The following EPRS1 variants were observed in gnomAD, a reference collection of about 807,000 sequenced individuals.
EPRS1 encodes the protein bifunctional glutamate/proline--tRNA ligase.
In EPRS1, 107 loss-of-function variants were observed where a neutral mutation model predicts 188.3. The ratio of observed to expected loss-of-function variants is 0.57; its 90% CI spans 0.49 to 0.67. EPRS1 has a LOEUF of 0.67. Ranked by LOEUF, EPRS1 falls within the 30% of genes least tolerant of loss-of-function variation. EPRS1 has a pLI of 0.00. For synonymous variants in EPRS1, 596 were observed against 593.1 expected (o/e 1.00, Z -0.07); for missense variants, 1,577 against 1,802.2 (o/e 0.88, Z 2.26).
chr1:220,033,407 A>T (rs1662121227), intron 4 of EPRS1, 95 bp downstream of exon 4: 2 of 853,394 alleles, frequency 2.3e-6, no homozygotes. Flanking sequence ...ATACACACAC[A>T]TATACATACA....
chr1:220,011,019 A>G lies in EPRS1; in HGVS notation c.1532T>C (p.Leu511Pro). The change falls in exon 13 of 32, where the codon CTG becomes CCG. Residue 511 changes from leucine to proline, a missense_variant. Leu to Pro is a moderately conservative substitution (Grantham distance 98). This residue lies in a region of EPRS1 where 1,278 missense variants were observed against 1,457.4 expected (regional missense o/e 0.88). Transcript: ENST00000366923. ...DPVAPRYVAL[L>P]KKEVIPVNVP... Reference sequence around the variant, plus strand: ...ATTCACTGGGATCACTTCTTTCTTCAGTAATGCAACATATCGTGGAGCCAC... The same window carrying G: ...ATTCACTGGGATCACTTCTTTCTTCGGTAATGCAACATATCGTGGAGCCAC... 7 of 1,613,514 alleles carry G rather than the reference A, an allele frequency of 4.3e-6. No homozygotes were observed. Among genetic ancestry groups the G allele is most frequent in the South Asian group, 1.1e-5 (1 of 91,074 alleles).
Position 220,032,503 on chromosome 1 carries a change from A to T in EPRS1, c.412T>A (p.Leu138Met). The change falls in exon 5 of 32, where the codon TTG (leucine) becomes ATG (methionine). Residue 138 changes from leucine to methionine, a missense_variant. By Grantham distance (15) the Leu-to-Met change is conservative. This residue lies in a region of EPRS1 where 1,278 missense variants were observed against 1,457.4 expected (regional missense o/e 0.88). Coordinates refer to ENST00000366923, the MANE Select transcript of EPRS1 (RefSeq NM_004446.3). The part of the protein sequence containing the change: ...LKGNAAWQEQ[L>M]KQKKAPVHVK... ...TGAACTGGAGCTTTCTTCTGTTTCA[A>T]CTGTTCTTGCCAGGCAGCATTTCCT... 3 of 1,613,534 alleles carry T rather than the reference A, an allele frequency of 1.9e-6. No individual in the cohort carries two copies. The South Asian group carries it at 3.3e-5, about 18-fold the overall frequency.
chr1:220,019,951 C>G, intron 10 of EPRS1, 37 bp downstream of exon 10: 1 of 1,424,846 alleles, frequency 7.0e-7, no homozygotes, highest in Non-Finnish European at 9.9e-7. Context: ...CTACTATGTC[C>G]TTACTTCTTG....
At chr1:220,040,984 G>A (rs1040936364) in intron 1 of EPRS1, among the ~76,000 whole-genome samples, 1 of 150,660 alleles carries the variant, frequency 6.6e-6, no homozygotes, top group East Asian at 2.0e-4. Context: ...TTATATCTTA[G>A]TCACTATGCC....
Position 220,011,035 on chromosome 1 carries a change from G to C in EPRS1, c.1516C>G (p.Arg506Gly). 1 of 1,610,850 alleles carries C rather than the reference G, an allele frequency of 6.2e-7. No homozygotes were observed. The highest frequency in any genetic ancestry group is 8.5e-7 in the Non-Finnish European group (1 of 1,177,190). The change falls in exon 13 of 32, where the codon CGA (arginine) becomes GGA (glycine). Residue 506 changes from arginine to glycine, a missense_variant. By Grantham distance (125) the Arg-to-Gly change is moderately radical. Around this residue, in one of 3 missense-constraint regions of EPRS1, gnomAD observed 1,278 missense variants for 1,457.4 expected, o/e 0.88. Transcript: ENST00000366923. The stretch of plus-strand genomic sequence containing the variant: ...TCTTTCTTCAGTAATGCAACATATC[G>C]TGGAGCCACTGGGTCAATAACCTGC... Reference protein sequence around the residue: ...NKKVIDPVAPRYVALLKKEVI... With the variant: ...NKKVIDPVAPGYVALLKKEVI...
chr1:220,034,081 A>T (rs1329193370), intron 3 of EPRS1, among the ~76,000 whole-genome samples: 1 of 152,156 alleles, frequency 6.6e-6, no homozygotes, highest in Non-Finnish European at 1.5e-5. Flanking sequence ...GAGATTTAGG[A>T]AGGTTAGAGC....
At chr1:219,977,304 C>A (rs1357612151) in intron 28 of EPRS1, among the ~76,000 whole-genome samples, 5 of 152,086 alleles carry the variant, frequency 3.3e-5, no homozygotes, top group Non-Finnish European at 7.4e-5. Context: ...GGAATACAGA[C>A]AACGAAGCTG....
chr1:219,984,408 T>C lies in EPRS1; in HGVS notation c.3039-151A>G, dbSNP rs978167033. The C allele has an allele frequency of 7.6e-6, 5 of 657,156 alleles. No individual in the cohort carries two copies. The African/African-American group carries it at 9.2e-5, about 12-fold the overall frequency. 40.7% of individuals were successfully genotyped at this position (657,156 alleles called of 1,614,324 possible). On this transcript the variant is annotated intron_variant, in intron 20 of 31. Coordinates refer to ENST00000366923, the MANE Select transcript of EPRS1 (RefSeq NM_004446.3). ...AACTCTTCTATATTCATTCCCAAGA[T>C]AACGTTGTTGTTTTCTTGTTTTGTT...
At chr1:219,990,440 A>T (rs2102570094) in intron 18 of EPRS1, among the ~76,000 whole-genome samples, 1 of 152,322 alleles carries the variant, frequency 6.6e-6, no homozygotes. Context: ...TGGTATATTT[A>T]GTCTGTGCCA....
chr1:219,979,137 G>C (rs897763959), intron 27 of EPRS1, among the ~76,000 whole-genome samples: 1 of 152,170 alleles, frequency 6.6e-6, no homozygotes, highest in African/African-American at 2.4e-5. Flanking sequence ...TTACAGGCGT[G>C]AGCCTGCATG....
Position 220,007,206 on chromosome 1 carries a change from G to A in EPRS1, c.1738C>T (p.His580Tyr), listed in dbSNP as rs1661505374. 3.1e-6 allele frequency: 5 copies of A among 1,608,138 alleles called. No individual in the cohort carries two copies. The South Asian group carries it at 4.5e-5, about 14-fold the overall frequency. The change falls in exon 14 of 32, where the codon CAC (histidine) becomes TAC (tyrosine). Residue 580 changes from histidine to tyrosine, a missense_variant. This residue lies in a region of EPRS1 where 1,278 missense variants were observed against 1,457.4 expected (regional missense o/e 0.88). Coordinates refer to ENST00000366923, the MANE Select transcript of EPRS1 (RefSeq NM_004446.3). The stretch of plus-strand genomic sequence containing the variant: ...AAACAAACAAAAAGTTCTTACTTGT[G>A]TATTTTTGTAATGTTGAGGTTGCCC... ...NWGNLNITKI[H>Y]KNADGKIISL...
At chr1:220,042,765 C>CA (rs1176036568) in intron 1 of EPRS1, among the ~76,000 whole-genome samples, 1 of 151,478 alleles carries the variant, frequency 6.6e-6, no homozygotes, top group Non-Finnish European at 1.5e-5. Context: ...ACTAAAAATA[C>CA]AAAAAATTAG....
In EPRS1 at chr1:220,046,494, G is replaced by A. The variant is rs1662406940; in HGVS notation, c.-106C>T. 11 of 1,522,904 alleles carry A rather than the reference G, an allele frequency of 7.2e-6. 1 individual carries two copies. Among genetic ancestry groups the A allele is most frequent in the Admixed American group, 4.0e-5 (2 of 49,982 alleles). 94.3% of individuals were successfully genotyped at this position (1,522,904 alleles called of 1,614,324 possible). A position where few individuals can be genotyped will look rare whatever the true frequency, so the allele number is the denominator to read the frequency against. ...GCAACGTGTGCGCGTACCCGACGCC[G>A]CCGCAGCCTTCGCTCCGCCCCTGCG... is the stretch of plus-strand genomic sequence containing the variant. On this transcript the variant is annotated 5_prime_UTR_variant, in exon 1 of 32. Coordinates refer to ENST00000366923, the MANE Select transcript of EPRS1 (RefSeq NM_004446.3).
chr1:219,994,238 G>A (rs1661179599), intron 18 of EPRS1, among the ~76,000 whole-genome samples: 1 of 152,118 alleles, frequency 6.6e-6, no homozygotes, highest in Non-Finnish European at 1.5e-5. Flanking sequence ...CACACATTAG[G>A]TGAACTGGTG....
At chr1:219,998,037 T>C (rs2795314) in intron 17 of EPRS1, among the ~76,000 whole-genome samples, 1 of 152,022 alleles carries the variant, frequency 6.6e-6, no homozygotes, top group Non-Finnish European at 1.5e-5. Flanking sequence ...AAGATACTAT[T>C]TTTATTCATG....
At chr1:220,043,424 A>G (rs531136585) in intron 1 of EPRS1, among the ~76,000 whole-genome samples, 2 of 152,330 alleles carry the variant, frequency 1.3e-5, no homozygotes, top group South Asian at 4.1e-4. Context: ...AAAAATGCCA[A>G]CTAATACATA....
In EPRS1 at chr1:219,983,067, A is replaced by G; in HGVS notation, c.3300+122T>C. ...CAAAATCATTACTTGCTATAAAGGT[A>G]GAAACAGAACTTTTTAATAAAAATG... On this transcript the variant is annotated intron_variant, in intron 22 of 31. Transcript: ENST00000366923. 3.6e-6 allele frequency: 3 copies of G among 831,238 alleles called. No homozygotes were observed. In the South Asian group the frequency reaches 5.4e-5, roughly 15 times the overall value. The allele number at this position is 831,238 out of a possible 1,614,324, so 51.5% of individuals were successfully genotyped here.
At chr1:219,974,116 G>C (rs1309955725) in intron 28 of EPRS1, among the ~76,000 whole-genome samples, 1 of 152,042 alleles carries the variant, frequency 6.6e-6, no homozygotes, top group African/African-American at 2.4e-5. Context: ...GCTAATTTTT[G>C]TATTTTTAGT....
intron 25 of EPRS1, 34 bp from the exon 26 acceptor site, chr1:219,980,274 T>A: frequency 6.5e-7 from 1 of 1,543,324 alleles, no homozygotes; most frequent in Non-Finnish European, 8.9e-7. Flanking sequence ...TGTTCAAATT[T>A]AGGGTACATT....
Sources: allele counts gnomAD v4.1 joint callset (sites outside exome capture counted in the v4.1 genomes callset), GRCh38; gene constraint gnomAD v4.1.1; regional missense constraint gnomAD v4.1.1; transcripts MANE v1.5; gene names NCBI Gene and HGNC (gene_info 2026-07-23, HGNC 2026-07-21).